Variants in RAB30 observed in about 807,000 individuals in gnomAD.
RAB30 encodes RAB30, member RAS oncogene family.
In RAB30, 9 loss-of-function variants were observed where a neutral mutation model predicts 25.1. That is an observed-to-expected ratio of 0.36 (90% CI 0.22 to 0.63). RAB30 has a LOEUF of 0.63. Among genes scored for constraint, RAB30 ranks in the 20% least tolerant of loss-of-function variants. RAB30 has a pLI of 0.69. For synonymous variants in RAB30, 77 were observed against 86.4 expected, an observed-to-expected ratio of 0.89 and a Z score of 0.60; for missense variants, 140 against 243.5, an observed-to-expected ratio of 0.58 and a Z score of 2.83.
chr11:83,047,745 T>C (rs1468546844), intron 1 of RAB30, among the ~76,000 whole-genome samples: 1 of 152,036 alleles, frequency 6.6e-6, no homozygotes, highest in Non-Finnish European at 1.5e-5. Context: ...CTCTTGCTGA[T>C]TCAAAGGATT....
Position 82,979,538 on chromosome 11 carries a change from T to C in RAB30, c.*2627A>G, listed in dbSNP as rs1319493723. 1 of 152,160 alleles carries C rather than the reference T, an allele frequency of 6.6e-6. No individual in the cohort carries two copies. Among genetic ancestry groups the C allele is most frequent in the Non-Finnish European group, 1.5e-5 (1 of 68,022 alleles). 9.4% of individuals were successfully genotyped at this position (152,160 alleles called of 1,614,324 possible). A position where few individuals can be genotyped will look rare whatever the true frequency, so the allele number is the denominator to read the frequency against. ...TAAGATGACTGTATTTAGTGTCCTT[T>C]CTCAAGTTCTACTTGAAGGAATTTC... On this transcript the variant is annotated 3_prime_UTR_variant, in exon 5 of 5. Transcript: ENST00000527633.
At position 83,056,391 on chromosome 11, in the gene RAB30, T is replaced by C. The variant is rs542719279; in HGVS notation, c.-9+15300A>G. Among the ~76,000 whole-genome samples the C allele has an allele frequency of 5.7e-4, 87 of 152,354 alleles. 2 individuals are homozygous for C. Among genetic ancestry groups the C allele is most frequent in the African/African-American group, 2.0e-3 (84 of 41,578 alleles). On this transcript the variant is annotated intron_variant, in intron 1 of 4. Coordinates refer to ENST00000527633, the MANE Select transcript of RAB30 (RefSeq NM_001286060.2). ...TTTAAAGCTGAGTAATATTCCACTG[T>C]ATGTAAATACCACATTTTGTTTATC... is the stretch of plus-strand genomic sequence containing the variant.
chr11:83,041,177 CAG>C (rs1358934895), intron 1 of RAB30: 3 of 149,600 alleles, frequency 2.0e-5, no homozygotes, highest in Non-Finnish European at 4.5e-5. Context: ...GCCTGGGAGA[CAG>C]AGTGAAACTC....
intron 1 of RAB30, among the ~76,000 whole-genome samples, chr11:83,006,004 T>G (rs905657607): frequency 6.6e-6 from 1 of 151,972 alleles, no homozygotes; most frequent in Middle Eastern, 3.2e-3. Flanking sequence ...TATAGTAAAT[T>G]TATACTTATA....
chr11:83,048,455 T>G (rs1858281048), intron 1 of RAB30, among the ~76,000 whole-genome samples: 1 of 143,986 alleles, frequency 6.9e-6, no homozygotes, highest in African/African-American at 2.8e-5. Flanking sequence ...TGGGCAACAG[T>G]GAGACACTGT....
At position 82,981,524 on chromosome 11, in the gene RAB30, G is replaced by T. The variant is rs1447003011; in HGVS notation, c.*641C>A. The T allele has an allele frequency of 6.6e-6, 1 of 152,646 alleles. No individual in the cohort carries two copies. Among genetic ancestry groups the T allele is most frequent in the Non-Finnish European group, 1.5e-5 (1 of 68,074 alleles). 9.5% of individuals were successfully genotyped at this position (152,646 alleles called of 1,614,324 possible). ...ACTAAAACGTTTGGTCTGTGAAATA[G>T]CGGAATCATTAGCACCAAAAGGAGT... On this transcript the variant is annotated 3_prime_UTR_variant, in exon 5 of 5. Coordinates refer to ENST00000527633, the MANE Select transcript of RAB30 (RefSeq NM_001286060.2).
chr11:83,003,649 A>G (rs1318478039), intron 1 of RAB30, among the ~76,000 whole-genome samples: 1 of 152,034 alleles, frequency 6.6e-6, no homozygotes, highest in Admixed American at 6.6e-5. Context: ...TCAAACTCCC[A>G]GCCTCAGGTG....
intron 1 of RAB30, among the ~76,000 whole-genome samples, chr11:83,067,416 G>A (rs888660860): frequency 2.6e-5 from 4 of 152,130 alleles, no homozygotes; most frequent in African/African-American, 4.8e-5. Context: ...TGTCCAGTGT[G>A]AGAAAGCCTC....
chr11:83,029,018 T>G (rs909565124), intron 1 of RAB30, among the ~76,000 whole-genome samples: 3 of 152,036 alleles, frequency 2.0e-5, no homozygotes, highest in Admixed American at 2.0e-4. Context: ...GTGAGACCCT[T>G]TCTCAAAAAC....
At chr11:83,012,443 G>A (rs1857326123) in intron 1 of RAB30, among the ~76,000 whole-genome samples, 2 of 152,158 alleles carry the variant, frequency 1.3e-5, no homozygotes, top group South Asian at 4.1e-4. Context: ...GAGCCACACT[G>A]CCTGAGTCTG....
intron 1 of RAB30, among the ~76,000 whole-genome samples, chr11:83,060,837 G>T (rs1484231683): frequency 6.6e-6 from 1 of 152,144 alleles, no homozygotes; most frequent in Admixed American, 6.5e-5. Context: ...AGGTGTGGAA[G>T]AACCACCACC....
chr11:83,035,856 C>T (rs1857975680), intron 1 of RAB30, among the ~76,000 whole-genome samples: 1 of 152,146 alleles, frequency 6.6e-6, no homozygotes, highest in Non-Finnish European at 1.5e-5. Flanking sequence ...TGCGGGAAGT[C>T]ACAGGCATCT....
intron 1 of RAB30, among the ~76,000 whole-genome samples, chr11:83,014,670 G>GA (rs992495101): frequency 6.9e-6 from 1 of 145,684 alleles, no homozygotes; most frequent in Non-Finnish European, 1.5e-5. Flanking sequence ...AAGAAAGAAA[G>GA]AAAGAAAGAA....
intron 1 of RAB30, among the ~76,000 whole-genome samples, chr11:83,062,149 C>G (rs1326811197): frequency 6.6e-6 from 1 of 152,114 alleles, no homozygotes; most frequent in Non-Finnish European, 1.5e-5. Context: ...GAAAGCCTAC[C>G]TAGGGTCTAT....
intron 1 of RAB30, among the ~76,000 whole-genome samples, chr11:83,052,356 T>A (rs1858375020): frequency 6.6e-6 from 1 of 152,188 alleles, no homozygotes. Context: ...GAGCCAAGAC[T>A]TAAGCTCTGA....
intron 1 of RAB30, among the ~76,000 whole-genome samples, chr11:83,060,667 T>G (rs1409286322): frequency 6.6e-6 from 1 of 152,154 alleles, no homozygotes; most frequent in Non-Finnish European, 1.5e-5. Flanking sequence ...CTTCAAAAAT[T>G]TCAATATCAT....
intron 1 of RAB30, among the ~76,000 whole-genome samples, chr11:83,028,500 A>T (rs1014205230): frequency 6.6e-6 from 1 of 152,154 alleles, no homozygotes; most frequent in African/African-American, 2.4e-5. Flanking sequence ...CACACTGTGA[A>T]ACTTCAGAAA....
At chr11:83,011,438 AGAATATT>A (rs1857302242) in intron 1 of RAB30, among the ~76,000 whole-genome samples, 2 of 152,362 alleles carry the variant, frequency 1.3e-5, no homozygotes, top group East Asian at 3.9e-4. Flanking sequence ...AGTAAAAAAG[AGAATATT>A]GTACCACTAT....
At chr11:83,010,256 G>C (rs1047386696) in intron 1 of RAB30, among the ~76,000 whole-genome samples, 2 of 152,162 alleles carry the variant, frequency 1.3e-5, no homozygotes, top group African/African-American at 4.8e-5. Context: ...TTTGAGACCA[G>C]CCCAGGCAAC....
Sources: allele counts gnomAD v4.1 joint callset (sites outside exome capture counted in the v4.1 genomes callset), GRCh38; gene constraint gnomAD v4.1.1; transcripts MANE v1.5; gene names NCBI Gene and HGNC (gene_info 2026-07-23, HGNC 2026-07-21).